Variants in CLIC5 observed in about 807,000 individuals in gnomAD.
The protein encoded by CLIC5 is CLIC family member 5.
A neutral mutation model predicts 24.7 loss-of-function variants in CLIC5; 20 were observed. The ratio of observed to expected loss-of-function variants is 0.81; its 90% CI spans 0.57 to 1.18. The LOEUF (loss-of-function observed/expected upper bound fraction) is 1.18, where lower values mean the gene tolerates loss of function less well. Ranked by LOEUF, CLIC5 falls within the 50% of genes most tolerant of loss-of-function variation. CLIC5 has a pLI of 0.00. For synonymous variants in CLIC5, 159 were observed against 135.6 expected (o/e 1.17, Z -1.20); for missense variants, 341 against 326.1 (o/e 1.05, Z -0.35).
At chr6:45,963,008 C>T (rs1272477298) in intron 1 of CLIC5, among the ~76,000 whole-genome samples, 7 of 152,216 alleles carry the variant, frequency 4.6e-5, no homozygotes, top group African/African-American at 1.2e-4. Context: ...TCACCACTGT[C>T]CCTTCTCCCA....
intron 1 of CLIC5, among the ~76,000 whole-genome samples, chr6:45,974,230 T>C (rs1020443517): frequency 6.6e-6 from 1 of 151,830 alleles, no homozygotes. Context: ...TATGCTCCCC[T>C]GAGAAGTGGG....
intron 4 of CLIC5, among the ~76,000 whole-genome samples, chr6:45,939,040 A>C (rs1489769961): frequency 1.3e-5 from 2 of 152,084 alleles, no homozygotes; most frequent in East Asian, 3.9e-4. Context: ...GTGGCTTAAC[A>C]CAACAGAGAC....
chr6:45,989,784 A>C (rs759237599), intron 1 of CLIC5, among the ~76,000 whole-genome samples: 4 of 152,156 alleles, frequency 2.6e-5, no homozygotes, highest in Non-Finnish European at 5.9e-5. Flanking sequence ...TTAGAATAGG[A>C]GGCAATAGTG....
chr6:46,106,246 T>C, the CLIC5 span, among the ~76,000 whole-genome samples: 1 of 152,122 alleles, frequency 6.6e-6, no homozygotes. Context: ...TAGCTGGGCC[T>C]ACAGGAGCGT....
chr6:46,091,135 A>G, the CLIC5 span, among the ~76,000 whole-genome samples: 1 of 152,148 alleles, frequency 6.6e-6, no homozygotes, highest in Non-Finnish European at 1.5e-5. Context: ...TACTGAATTT[A>G]ATTTGTTTAA....
intron 1 of CLIC5, among the ~76,000 whole-genome samples, chr6:46,025,716 C>T (rs1052734356): frequency 2.0e-4 from 31 of 152,088 alleles, no homozygotes; most frequent in Non-Finnish European, 1.3e-4. Flanking sequence ...GCTCTGTGTC[C>T]CCACCCAAAT....
At chr6:46,066,244 G>A (rs1164287645) in intron 1 of CLIC5, among the ~76,000 whole-genome samples, 3 of 152,164 alleles carry the variant, frequency 2.0e-5, no homozygotes, top group Non-Finnish European at 4.4e-5. Context: ...AAAACCTGCT[G>A]CTGCTCAACA....
At chr6:45,954,101 C>T (rs1216508654) in intron 2 of CLIC5, among the ~76,000 whole-genome samples, 2 of 151,554 alleles carry the variant, frequency 1.3e-5, no homozygotes, top group Admixed American at 1.3e-4. Flanking sequence ...TGGTGAAACC[C>T]CGTCTCTACT....
intron 1 of CLIC5, among the ~76,000 whole-genome samples, chr6:45,979,487 A>G (rs181729051): frequency 2.0e-5 from 3 of 152,366 alleles, no homozygotes; most frequent in African/African-American, 2.4e-5. Context: ...GGGAAGGTCC[A>G]CTAAGGCTAT....
intron 1 of CLIC5, among the ~76,000 whole-genome samples, chr6:45,982,420 A>G (rs1167529025): frequency 6.6e-6 from 1 of 152,130 alleles, no homozygotes; most frequent in African/African-American, 2.4e-5. Flanking sequence ...ATTCTGAGAA[A>G]GGGATCTTTA....
chr6:45,958,441 T>TATATATACACACACACACAC (rs1554151285), intron 1 of CLIC5, among the ~76,000 whole-genome samples: 3 of 17,942 alleles, frequency 1.7e-4, no homozygotes, highest in Non-Finnish European at 3.5e-4. Context: ...TATATATATA[T>TATATATACACACACACACAC]ATATATATAT....
chr6:45,970,972 G>A (rs969055446), intron 1 of CLIC5, among the ~76,000 whole-genome samples: 8 of 152,178 alleles, frequency 5.3e-5, no homozygotes, highest in Admixed American at 6.5e-5. Context: ...TCCACTTTAT[G>A]TCTAGGAGAA....
intron 1 of CLIC5, among the ~76,000 whole-genome samples, chr6:45,964,706 T>C (rs940321368): frequency 6.6e-6 from 1 of 152,228 alleles, no homozygotes; most frequent in Non-Finnish European, 1.5e-5. Context: ...CCCCAGCTTT[T>C]GAATTGTCCC....
chr6:46,086,354 G>A, the CLIC5 span, among the ~76,000 whole-genome samples: 1 of 152,242 alleles, frequency 6.6e-6, no homozygotes, highest in Non-Finnish European at 1.5e-5. Context: ...GCTGGGAGCT[G>A]TAGACCGGAG....
chr6:45,984,456 T>G (rs1765666777), intron 1 of CLIC5, among the ~76,000 whole-genome samples: 1 of 152,214 alleles, frequency 6.6e-6, no homozygotes, highest in South Asian at 2.1e-4. Context: ...GACAGTTGAC[T>G]TTGGGAGCTT....
the CLIC5 span, among the ~76,000 whole-genome samples, chr6:46,103,770 A>G: frequency 6.6e-6 from 1 of 152,120 alleles, no homozygotes; most frequent in African/African-American, 2.4e-5. Context: ...TTCAGAGGGC[A>G]AAGGGGAGGT....
upstream of CLIC5, among the ~76,000 whole-genome samples, chr6:46,084,491 T>C (rs540773319): frequency 6.6e-6 from 1 of 152,328 alleles, no homozygotes; most frequent in African/African-American, 2.4e-5. Context: ...TCTCTCAGCA[T>C]TTGCTTGTCT....
At chr6:46,049,285 G>A (rs1768039772) in intron 1 of CLIC5, among the ~76,000 whole-genome samples, 2 of 152,136 alleles carry the variant, frequency 1.3e-5, no homozygotes, top group Non-Finnish European at 2.9e-5. Context: ...CTACCTCCAA[G>A]CATAACATCT....
At chr6:45,912,650 G>T in intron 5 of CLIC5, 1 of 1,529,782 alleles carries the variant, frequency 6.5e-7, no homozygotes, top group South Asian at 1.2e-5. Context: ...TACAGGACCG[G>T]AACTCGGGTC....
Sources: gnomAD v4.1 joint callset for allele counts (sites outside exome capture counted in the v4.1 genomes callset) on GRCh38, gnomAD v4.1.1 for gene constraint, MANE v1.5 for transcripts, NCBI Gene and HGNC (gene_info 2026-07-23, HGNC 2026-07-21) for gene names.